STT3B: variants seen among roughly 807,000 people sequenced by gnomAD.
STT3B encodes dolichyl-diphosphooligosaccharide--protein glycosyltransferase subunit STT3B.
STT3B carries 29 observed loss-of-function variants against 96.8 expected under a neutral mutation model. That is an observed-to-expected ratio of 0.30 (90% CI 0.22 to 0.41). STT3B has a LOEUF of 0.41. Among genes scored for constraint, STT3B ranks in the 10% least tolerant of loss-of-function variants. The probability of loss-of-function intolerance (pLI) is 1.00; values close to 1 mark genes in which losing one functional copy is unlikely to be tolerated. For missense variants in STT3B, 640 were observed against 1,022.3 expected (o/e 0.63, Z 5.10); for synonymous variants, 367 against 360.0 (o/e 1.02, Z -0.22).
chr3:31,550,479 C>A (rs1255188601), intron 1 of STT3B, among the ~76,000 whole-genome samples: 6 of 152,162 alleles, frequency 3.9e-5, no homozygotes, highest in Non-Finnish European at 8.8e-5. Context: ...AGTCTGAGAT[C>A]CAGTTGCAAC....
intron 1 of STT3B, among the ~76,000 whole-genome samples, chr3:31,550,078 T>C (rs1697514649): frequency 1.3e-5 from 2 of 152,014 alleles, no homozygotes; most frequent in East Asian, 1.9e-4. Context: ...CCAATTAGTT[T>C]AGTAAATGTC....
At chr3:31,615,083 G>A in intron 5 of STT3B, 22 bp from the exon 6 acceptor site, 5 of 1,461,334 alleles carry the variant, frequency 3.4e-6, no homozygotes, top group Non-Finnish European at 4.7e-6. Context: ...AATTATCCTT[G>A]TTTCCTATTT....
chr3:31,547,614 C>G (rs1048575224), intron 1 of STT3B, among the ~76,000 whole-genome samples: 1 of 152,176 alleles, frequency 6.6e-6, no homozygotes, highest in Non-Finnish European at 1.5e-5. Flanking sequence ...CCACTGCACT[C>G]CAACCTGCAT....
At chr3:31,605,416 C>T (rs1265802763) in intron 5 of STT3B, among the ~76,000 whole-genome samples, 1 of 151,922 alleles carries the variant, frequency 6.6e-6, no homozygotes. Flanking sequence ...AATTGTAGCT[C>T]CCATAATTCC....
chr3:31,578,715 G>A (rs996350002), intron 2 of STT3B, among the ~76,000 whole-genome samples: 6 of 151,812 alleles, frequency 4.0e-5, no homozygotes, highest in African/African-American at 9.7e-5. Context: ...CATGCAGTAG[G>A]TATTGAGCAT....
At position 31,554,252 on chromosome 3, in the gene STT3B, T is replaced by A. The variant is rs184479918; in HGVS notation, c.314+20940T>A. Among the ~76,000 whole-genome samples, 22 of 152,318 alleles carry A rather than the reference T, an allele frequency of 1.4e-4. No individual in the cohort carries two copies. The East Asian group carries it at 4.0e-3, about 28-fold the overall frequency. On this transcript the variant is annotated intron_variant, in intron 1 of 15. Coordinates refer to ENST00000295770, the MANE Select transcript of STT3B (RefSeq NM_178862.3). ...AAAACTCAATATTAATCTTGTTTTC[T>A]TGTGAATCCCTTCCTGCCAGTTCTT...
intron 1 of STT3B, among the ~76,000 whole-genome samples, chr3:31,538,978 G>T (rs890708083): frequency 1.3e-5 from 2 of 152,084 alleles, no homozygotes; most frequent in African/African-American, 4.8e-5. Flanking sequence ...AGGAGGTGAG[G>T]ATTAGCGTTG....
At chr3:31,592,825 T>G (rs1464884411) in intron 3 of STT3B, among the ~76,000 whole-genome samples, 3 of 152,208 alleles carry the variant, frequency 2.0e-5, no homozygotes, top group Non-Finnish European at 4.4e-5. Context: ...GTCTTTAGTA[T>G]TTGGTTTCCA....
intron 11 of STT3B, among the ~76,000 whole-genome samples, chr3:31,624,610 G>A (rs1039024327): frequency 6.6e-6 from 1 of 151,342 alleles, no homozygotes; most frequent in Admixed American, 6.6e-5. Context: ...CTTTCACTTG[G>A]GAGCTTATTA....
chr3:31,636,031 G>A lies in STT3B; in HGVS notation c.2448G>A (p.Lys816=). The A allele has an allele frequency of 2.5e-6, 4 of 1,609,654 alleles. No homozygotes were observed. The South Asian group carries it at 4.5e-5, about 18-fold the overall frequency. The change falls in exon 16 of 16, where the codon AAG becomes AAA. Residue 816 remains lysine, a synonymous_variant. Coordinates refer to ENST00000295770, the MANE Select transcript of STT3B (RefSeq NM_178862.3). ...RGYIKNKLVF[K]KGKKISKKTV is the part of the protein sequence containing the mutation. ...ACATTAAAAATAAGCTGGTTTTTAA[G>A]AAAGGCAAGAAAATATCTAAGAAGA...
chr3:31,564,073 C>G (rs910600234), intron 1 of STT3B, among the ~76,000 whole-genome samples: 2 of 152,058 alleles, frequency 1.3e-5, no homozygotes, highest in Non-Finnish European at 2.9e-5. Flanking sequence ...CGGGAGTATT[C>G]CCTGAATGAA....
intron 1 of STT3B, among the ~76,000 whole-genome samples, chr3:31,560,116 G>T (rs1006059688): frequency 6.6e-6 from 1 of 151,928 alleles, no homozygotes; most frequent in Non-Finnish European, 1.5e-5. Flanking sequence ...ATATAGTTGG[G>T]TCTTTTATTT....
chr3:31,534,523 T>A (rs1288395969), intron 1 of STT3B, among the ~76,000 whole-genome samples: 1 of 152,222 alleles, frequency 6.6e-6, no homozygotes, highest in Non-Finnish European at 1.5e-5. Flanking sequence ...AATTTCAGGA[T>A]ATTTGTTTCA....
chr3:31,535,341 T>A (rs1358084300), intron 1 of STT3B, among the ~76,000 whole-genome samples: 1 of 151,540 alleles, frequency 6.6e-6, no homozygotes, highest in Non-Finnish European at 1.5e-5. Context: ...TTATTATTTT[T>A]TTTTTTTTAG....
At chr3:31,576,575 A>AT (rs1324793200) in intron 2 of STT3B, 71 bp downstream of exon 2, 7 of 907,368 alleles carry the variant, frequency 7.7e-6, no homozygotes, top group Non-Finnish European at 1.1e-5. Context: ...TTAATTGCCA[A>AT]GGTGGTAGGG....
In STT3B at chr3:31,579,962, T is replaced by G; in HGVS notation, c.577T>G (p.Trp193Gly). Reference sequence around the variant, plus strand: ...TACTTTCCTGCTTACAAGAGAACTTTGGAACCAAGGAGCAGGACTTTTAGC... The same window carrying G: ...TACTTTCCTGCTTACAAGAGAACTTGGGAACCAAGGAGCAGGACTTTTAGC... ...ISTFLLTRELWNQGAGLLAAC... is the reference protein window; with the variant it reads ...ISTFLLTRELGNQGAGLLAAC... The change falls in exon 3 of 16, where the codon TGG (tryptophan) becomes GGG (glycine). Residue 193 changes from tryptophan to glycine, a missense_variant. By Grantham distance (184) the Trp-to-Gly change is radical. Coordinates refer to ENST00000295770, the MANE Select transcript of STT3B (RefSeq NM_178862.3). The G allele has an allele frequency of 6.2e-7, 1 of 1,613,924 alleles. No homozygotes were observed.
rs148576204 is a variant in STT3B, at chr3:31,593,905, T to C, written c.712-2893T>C. Among the ~76,000 whole-genome samples, 558 of 152,322 alleles carry C rather than the reference T, an allele frequency of 3.7e-3. 4 individuals are homozygous for C. Among genetic ancestry groups the C allele is most frequent in the African/African-American group, 0.013 (537 of 41,574 alleles). ...TGGGCCCACTCAGAAGTAGTTTTTA[T>C]CAACCATGTCCCCTTCCCCAGCCTA... On this transcript the variant is annotated intron_variant, in intron 3 of 15. Coordinates refer to ENST00000295770, the MANE Select transcript of STT3B (RefSeq NM_178862.3).
At chr3:31,563,067 C>T (rs1411561860) in intron 1 of STT3B, among the ~76,000 whole-genome samples, 2 of 152,152 alleles carry the variant, frequency 1.3e-5, no homozygotes, top group Non-Finnish European at 2.9e-5. Flanking sequence ...GCCACTCCAG[C>T]CTCCTACCTG....
intron 1 of STT3B, among the ~76,000 whole-genome samples, chr3:31,549,203 ATTTG>A (rs1200519023): frequency 6.6e-6 from 1 of 152,006 alleles, no homozygotes; most frequent in Non-Finnish European, 1.5e-5. Flanking sequence ...AAATCTTTTT[ATTTG>A]TTTATTTGAA....
Sources: gnomAD v4.1 joint callset for allele counts (sites outside exome capture counted in the v4.1 genomes callset) on GRCh38, gnomAD v4.1.1 for gene constraint, MANE v1.5 for transcripts, NCBI Gene and HGNC (gene_info 2026-07-23, HGNC 2026-07-21) for gene names.